The following DAB1 variants were observed in gnomAD, a reference collection of about 807,000 sequenced individuals.
The protein encoded by DAB1 is DAB adaptor protein 1, also known as disabled homolog 1.
A neutral mutation model predicts 64.6 loss-of-function variants in DAB1; 15 were observed. The observed-to-expected ratio is 0.23, with a 90% CI of 0.16 to 0.36. The LOEUF (loss-of-function observed/expected upper bound fraction) is 0.36, where lower values mean the gene tolerates loss of function less well. DAB1 is among the 10% of genes least tolerant of loss of function. The pLI is 1.00. For missense variants in DAB1, 596 were observed against 706.7 expected, an observed-to-expected ratio of 0.84 and a Z score of 1.78; for synonymous variants, 235 against 251.9, an observed-to-expected ratio of 0.93 and a Z score of 0.64.
intron 7 of DAB1, among the ~76,000 whole-genome samples, chr1:57,626,773 C>T (rs1014448359): frequency 6.6e-6 from 1 of 152,128 alleles, no homozygotes; most frequent in East Asian, 1.9e-4. Flanking sequence ...TGAGGGATCT[C>T]ACTGGGATTT....
At chr1:57,647,187 C>T (rs1646202032) in intron 7 of DAB1, among the ~76,000 whole-genome samples, 1 of 152,158 alleles carries the variant, frequency 6.6e-6, no homozygotes. Flanking sequence ...ACTCTCAAAG[C>T]TCTCGTTTCT....
chr1:58,515,224 A>G (rs1156675664), intron 2 of DAB1, among the ~76,000 whole-genome samples: 1 of 152,222 alleles, frequency 6.6e-6, no homozygotes, highest in African/African-American at 2.4e-5. Flanking sequence ...TAAATGCAAC[A>G]TAATCTTGAG....
intron 5 of DAB1, among the ~76,000 whole-genome samples, chr1:58,086,203 T>C (rs1174913374): frequency 1.3e-5 from 2 of 151,898 alleles, no homozygotes; most frequent in Non-Finnish European, 2.9e-5. Flanking sequence ...GACCTCGTGA[T>C]CCGCCCGCCT....
chr1:57,472,685 A>G (rs1042169440), intron 7 of DAB1, among the ~76,000 whole-genome samples: 4 of 152,082 alleles, frequency 2.6e-5, no homozygotes, highest in African/African-American at 9.7e-5. Context: ...TGAGCCCTTA[A>G]AAAGGACAGG....
intron 7 of DAB1, among the ~76,000 whole-genome samples, chr1:57,644,377 G>C (rs1318968024): frequency 6.6e-6 from 1 of 152,094 alleles, no homozygotes; most frequent in Non-Finnish European, 1.5e-5. Flanking sequence ...CTTTTTTGCT[G>C]TATTACAGAA....
chr1:58,347,080 GTTTGT>G (rs142226520), intron 3 of DAB1, among the ~76,000 whole-genome samples: 58,941 of 151,204 alleles, frequency 0.39, 11,530 homozygotes, highest in East Asian at 0.51. Context: ...ATGATTATGG[GTTTGT>G]TTTGTTTTGT....
intron 6 of DAB1, among the ~76,000 whole-genome samples, chr1:57,680,909 G>A (rs1311781095): frequency 1.3e-5 from 2 of 152,196 alleles, no homozygotes; most frequent in Non-Finnish European, 2.9e-5. Flanking sequence ...TGGTTTCAAA[G>A]TGGGTATTTC....
At chr1:58,429,839 G>A (rs1466005332) in intron 3 of DAB1, among the ~76,000 whole-genome samples, 1 of 152,228 alleles carries the variant, frequency 6.6e-6, no homozygotes, top group Non-Finnish European at 1.5e-5. Flanking sequence ...ACAAAACAGT[G>A]TAGATTATAA....
chr1:57,347,653 G>A (rs1678226446), intron 1 of DAB1, among the ~76,000 whole-genome samples: 2 of 152,118 alleles, frequency 1.3e-5, no homozygotes, highest in Non-Finnish European at 2.9e-5. Flanking sequence ...CATTCCTAGA[G>A]ATGTTTTGTT....
intron 4 of DAB1, among the ~76,000 whole-genome samples, chr1:57,119,793 C>T (rs1267317746): frequency 6.6e-6 from 1 of 152,096 alleles, no homozygotes; most frequent in East Asian, 1.9e-4. Flanking sequence ...GCAAAACCCC[C>T]TTCCAGATTA....
intron 5 of DAB1, among the ~76,000 whole-genome samples, chr1:57,934,973 C>T (rs1478634572): frequency 1.3e-5 from 2 of 152,212 alleles, no homozygotes; most frequent in Non-Finnish European, 2.9e-5. Context: ...CAAGCCATTT[C>T]TGGCTGTTTC....
intron 5 of DAB1, among the ~76,000 whole-genome samples, chr1:57,956,337 G>T (rs2100256398): frequency 6.6e-6 from 1 of 152,278 alleles, no homozygotes; most frequent in East Asian, 1.9e-4. Flanking sequence ...TAAGAGGTAG[G>T]AGAGAACTCT....
chr1:58,171,049 T>C (rs979470443), intron 4 of DAB1, among the ~76,000 whole-genome samples: 10 of 152,184 alleles, frequency 6.6e-5, no homozygotes, highest in Non-Finnish European at 1.5e-4. Context: ...TCGGTTGTAA[T>C]TGGGAGACTT....
At chr1:58,098,583 T>C (rs1651128072) in intron 5 of DAB1, among the ~76,000 whole-genome samples, 1 of 152,200 alleles carries the variant, frequency 6.6e-6, no homozygotes, top group Non-Finnish European at 1.5e-5. Flanking sequence ...AATTCATATG[T>C]TGAAGTCCTA....
intron 5 of DAB1, among the ~76,000 whole-genome samples, chr1:57,936,520 T>C (rs1433203297): frequency 6.6e-6 from 1 of 152,140 alleles, no homozygotes; most frequent in Non-Finnish European, 1.5e-5. Flanking sequence ...GCCTCCCATG[T>C]AGCTGGGATT....
intron 4 of DAB1, among the ~76,000 whole-genome samples, chr1:58,209,518 C>A (rs1220078158): frequency 1.3e-5 from 2 of 151,586 alleles, no homozygotes; most frequent in African/African-American, 2.4e-5. Flanking sequence ...ATGCAAATAG[C>A]GAAAAGCATG....
At chr1:58,481,269 A>G in intron 3 of DAB1, 1 of 457,232 alleles carries the variant, frequency 2.2e-6, no homozygotes, top group Non-Finnish European at 3.8e-6. Flanking sequence ...TGTAAAACAA[A>G]GAATGTATTG....
chr1:58,060,218 C>T (rs916941547), intron 5 of DAB1: 3 of 152,208 alleles, frequency 2.0e-5, no homozygotes, highest in African/African-American at 7.2e-5. Context: ...AGTAGGGGCT[C>T]ACCCACCGAA....
intron 5 of DAB1, among the ~76,000 whole-genome samples, chr1:58,079,390 T>C (rs1018790594): frequency 6.6e-6 from 1 of 152,176 alleles, no homozygotes; most frequent in Non-Finnish European, 1.5e-5. Context: ...TCTTATTATC[T>C]GCCCATCATC....
Sources: gnomAD v4.1 joint callset for allele counts (sites outside exome capture counted in the v4.1 genomes callset) on GRCh38, gnomAD v4.1.1 for gene constraint, MANE v1.5 for transcripts, NCBI Gene and HGNC (gene_info 2026-07-23, HGNC 2026-07-21) for gene names.